PI4KA: variants seen among roughly 807,000 people sequenced by gnomAD.
The protein encoded by PI4KA is PI4-kinase alpha.
In PI4KA, 122 loss-of-function variants were observed where a neutral mutation model predicts 271.4. That is an observed-to-expected ratio of 0.45 (90% CI 0.39 to 0.52). PI4KA has a LOEUF of 0.52. Ranked by LOEUF, PI4KA falls within the 20% of genes least tolerant of loss-of-function variation. The pLI is 0.00. For synonymous variants in PI4KA, 1,041 were observed against 1,078.8 expected (o/e 0.96, Z 0.69); for missense variants, 1,969 against 2,769.1 (o/e 0.71, Z 6.48).
At chr22:20,708,400 G>T (rs1353759091) in intron 54 of PI4KA, among the ~76,000 whole-genome samples, 1 of 151,338 alleles carries the variant, frequency 6.6e-6, no homozygotes, top group Non-Finnish European at 1.5e-5. Context: ...GGGTCTGTAC[G>T]CTCTCCTCGC....
At chr22:20,796,065 C>G in intron 18 of PI4KA, 81 bp downstream of exon 18, 1 of 1,353,028 alleles carries the variant, frequency 7.4e-7, no homozygotes, top group Non-Finnish European at 1.0e-6. Context: ...CATATTCCAA[C>G]CAAGATGGTG....
chr22:20,753,274 A>T (rs1456491573), intron 23 of PI4KA, 94 bp from the exon 24 acceptor site: 2 of 1,219,266 alleles, frequency 1.6e-6, no homozygotes, highest in African/African-American at 3.0e-5. Context: ...TTTTAGACTT[A>T]CAGAGAGTGG....
intron 11 of PI4KA, 111 bp downstream of exon 11, chr22:20,804,863 T>C: frequency 1.2e-6 from 1 of 863,330 alleles, no homozygotes; most frequent in Non-Finnish European, 1.9e-6. Context: ...TGCAACTGCC[T>C]GTGCTGGTAA....
chr22:20,719,324 C>A (rs1235221634), intron 43 of PI4KA, among the ~76,000 whole-genome samples: 1 of 151,712 alleles, frequency 6.6e-6, no homozygotes, highest in Non-Finnish European at 1.5e-5. Flanking sequence ...AAATCCCAGG[C>A]TGAATTTAAA....
At position 20,753,246 on chromosome 22, in the gene PI4KA, C is replaced by A. The variant is rs139650678; in HGVS notation, c.2792-66G>T. ...AGAGAGAATCCTAGCAACTTTCAAT[C>A]ATTTTCTTTTGAAATGATTTTAGAC... On this transcript the variant is annotated intron_variant, in intron 23 of 54. Coordinates refer to ENST00000255882, the MANE Select transcript of PI4KA (RefSeq NM_058004.4). 8,793 of 1,435,686 alleles carry A rather than the reference C, an allele frequency of 6.1e-3. 79 individuals are homozygous for A. Among genetic ancestry groups the A allele is most frequent in the East Asian group, 0.048 (2,058 of 43,048 alleles). The allele number at this position is 1,435,686 out of a possible 1,614,324, so 88.9% of individuals were successfully genotyped here. A position where few individuals can be genotyped will look rare whatever the true frequency, so the allele number is the denominator to read the frequency against.
chr22:20,792,993 A>AGG (rs923570405), intron 19 of PI4KA, among the ~76,000 whole-genome samples, 200 bp downstream of exon 19: 2 of 152,172 alleles, frequency 1.3e-5, no homozygotes, highest in African/African-American at 4.8e-5. Context: ...TCATGGAGAA[A>AGG]GGGAGTGAAG....
chr22:20,720,466 C>T (rs1015936093), intron 43 of PI4KA, among the ~76,000 whole-genome samples: 7 of 152,074 alleles, frequency 4.6e-5, no homozygotes, highest in African/African-American at 1.7e-4. Context: ...GCAGGAGGAT[C>T]GCTTAAGCCC....
intron 19 of PI4KA, among the ~76,000 whole-genome samples, chr22:20,772,907 T>C (rs182270516): frequency 1.3e-5 from 2 of 152,172 alleles, no homozygotes; most frequent in East Asian, 1.9e-4. Context: ...CTAGGCAACA[T>C]AGTGAGACCC....
At position 20,729,685 on chromosome 22, in the gene PI4KA, A is replaced by C. The variant is rs763197668; in HGVS notation, c.4435T>G (p.Ser1479Ala). 1.9e-6 allele frequency: 3 copies of C among 1,590,500 alleles called. 1 individual carries two copies. In the South Asian group the frequency reaches 3.4e-5, roughly 18 times the overall value. The stretch of plus-strand genomic sequence containing the variant: ...TTCATGTAGTATTTGTGCAGCTGGG[A>C]GCCCCGGTTGGTTTTCTTAGACATG... Reference protein sequence around the residue: ...SGMSKKTNRGSQLHKYYMKRR... With the variant: ...SGMSKKTNRGAQLHKYYMKRR... The change falls in exon 38 of 55, where the codon TCC becomes GCC. Residue 1479 changes from serine (S) to alanine (A), a missense_variant. Around this residue, in one of 13 missense-constraint regions of PI4KA, gnomAD observed 388 missense variants for 521.5 expected, o/e 0.74. Coordinates refer to ENST00000255882, the MANE Select transcript of PI4KA (RefSeq NM_058004.4).
chr22:20,764,147 A>G (rs1932278211), intron 22 of PI4KA, among the ~76,000 whole-genome samples: 1 of 152,148 alleles, frequency 6.6e-6, no homozygotes, highest in African/African-American at 2.4e-5. Context: ...TTTGTAGCCA[A>G]TGTACTCAGC....
intron 4 of PI4KA, among the ~76,000 whole-genome samples, 170 bp downstream of exon 4, chr22:20,824,154 TAA>T (rs1923074970): frequency 6.6e-6 from 1 of 150,866 alleles, no homozygotes; most frequent in South Asian, 2.1e-4. Context: ...CTCGAGATCC[TAA>T]AGAGTAGTGA....
At chr22:20,786,161 T>C in intron 19 of PI4KA, 1 of 1,613,776 alleles carries the variant, frequency 6.2e-7, no homozygotes, top group Non-Finnish European at 8.5e-7. Context: ...AACCACTCCC[T>C]TGTCCACCCC....
intron 4 of PI4KA, 109 bp downstream of exon 4, chr22:20,824,217 T>C: frequency 1.3e-6 from 1 of 761,460 alleles, no homozygotes. Context: ...AATAGATAAA[T>C]ATCAACAAAC....
chr22:20,722,226 AC>A (rs1926822199), intron 42 of PI4KA, among the ~76,000 whole-genome samples: 1 of 152,088 alleles, frequency 6.6e-6, no homozygotes, highest in Non-Finnish European at 1.5e-5. Flanking sequence ...TCGGTCTGTC[AC>A]CCAGGCTGTA....
At chr22:20,711,091 G>T in intron 51 of PI4KA, 1 of 554,674 alleles carries the variant, frequency 1.8e-6, no homozygotes, top group Non-Finnish European at 3.2e-6. Flanking sequence ...ACCTGGACCA[G>T]CCCCACTCCG....
intron 2 of PI4KA, among the ~76,000 whole-genome samples, chr22:20,837,125 A>G (rs1345523657): frequency 1.3e-5 from 2 of 152,216 alleles, no homozygotes. Flanking sequence ...ATGGTGGCAC[A>G]TGCCTGTAAT....
Position 20,715,498 on chromosome 22 carries a change from G to A in PI4KA, c.5318-798C>T, listed in dbSNP as rs142052349. Among the ~76,000 whole-genome samples, 1,000 of 149,780 alleles carry A rather than the reference G, an allele frequency of 6.7e-3. 14 individuals are homozygous for A. The highest frequency in any genetic ancestry group is 0.023 in the African/African-American group (925 of 40,690). ...ACGTTTCTTTTTTTCTTTTTGAGAC[G>A]GAGTCCTACTCTGTCGCCCAGGCTG... On this transcript the variant is annotated intron_variant, in intron 45 of 54. Transcript: ENST00000255882.
In PI4KA at chr22:20,729,485, T is replaced by C; in HGVS notation, c.4510A>G (p.Ile1504Val). 2 of 1,603,264 alleles carry C rather than the reference T, an allele frequency of 1.2e-6. No homozygotes were observed. The highest frequency in any genetic ancestry group is 2.2e-5 in the South Asian group (2 of 89,532). Reference protein sequence around the residue: ...SLLATEIERLITWYNPLSAPE... With the variant: ...SLLATEIERLVTWYNPLSAPE... ...GCTGACAGCGGGTTGTACCATGTGA[T>C]GAGACGCTCGATCTCAGTGGCCTGG... The change falls in exon 39 of 55, where the codon ATC (isoleucine) becomes GTC (valine). Residue 1504 changes from isoleucine (I) to valine (V), a missense_variant. Ile to Val is a conservative substitution (Grantham distance 29). This residue lies in a region of PI4KA where 388 missense variants were observed against 521.5 expected (regional missense o/e 0.74). Transcript: ENST00000255882.
At chr22:20,730,699 T>C (rs1927934360) in intron 36 of PI4KA, among the ~76,000 whole-genome samples, 1 of 151,968 alleles carries the variant, frequency 6.6e-6, no homozygotes, top group Non-Finnish European at 1.5e-5. Context: ...GCCTCCCGAA[T>C]AGCTGGACTA....
Sources: allele counts gnomAD v4.1 joint callset (sites outside exome capture counted in the v4.1 genomes callset), GRCh38; gene constraint gnomAD v4.1.1; regional missense constraint gnomAD v4.1.1; transcripts MANE v1.5; gene names NCBI Gene and HGNC (gene_info 2026-07-23, HGNC 2026-07-21).